Variants in EZH1 observed in about 807,000 individuals in gnomAD.
EZH1 encodes the protein histone-lysine N-methyltransferase EZH1.
In EZH1, 33 loss-of-function variants were observed where a neutral mutation model predicts 100.5. The observed-to-expected ratio is 0.33, with a 90% CI of 0.25 to 0.44. The LOEUF is 0.44. EZH1 is among the 20% of genes least tolerant of loss of function. EZH1 has a pLI of 1.00. For missense variants in EZH1, 475 were observed against 928.4 expected (o/e 0.51, Z 6.35); for synonymous variants, 272 against 313.8 (o/e 0.87, Z 1.41).
intron 1 of EZH1, among the ~76,000 whole-genome samples, chr17:42,739,183 T>C (rs2054129039): frequency 6.6e-6 from 1 of 152,198 alleles, no homozygotes; most frequent in Admixed American, 6.5e-5. Flanking sequence ...GTCATTCTGG[T>C]GATCACCAAT....
chr17:42,729,146 C>T, intron 2 of EZH1, 194 bp from the exon 3 acceptor site: 1 of 469,784 alleles, frequency 2.1e-6, no homozygotes. Context: ...GGGGCTCACA[C>T]CTGTAAAACC....
Position 42,718,227 on chromosome 17 carries a change from CT to C in EZH1, c.932-161del. On this transcript the variant is annotated intron_variant, in intron 9 of 20. Coordinates refer to ENST00000428826, the MANE Select transcript of EZH1 (RefSeq NM_001991.5). The surrounding 1 kb of genome is among the most constrained non-coding windows in gnomAD (Gnocchi z 4.2). Reference sequence around the variant, plus strand: ...AGTCATTTCTGACATCAACACAATGCTTTCAAAGCTAAGAGGTACTGAGGGA... The same window carrying C: ...AGTCATTTCTGACATCAACACAATGCTTCAAAGCTAAGAGGTACTGAGGGA... 1 of 839,000 alleles carries C rather than the reference CT, an allele frequency of 1.2e-6. No individual in the cohort carries two copies. The allele number at this position is 839,000 out of a possible 1,614,324, so 52.0% of individuals were successfully genotyped here.
chr17:42,727,601 G>T, intron 4 of EZH1, 34 bp downstream of exon 4: 2 of 1,588,234 alleles, frequency 1.3e-6, no homozygotes, highest in Non-Finnish European at 1.7e-6. Context: ...GCCCAAGGAA[G>T]AGAGGAAGAC....
Position 42,700,409 on chromosome 17 carries a change from G to C in EZH1, c.*2123C>G, listed in dbSNP as rs1219767800. 1 of 152,792 alleles carries C rather than the reference G, an allele frequency of 6.5e-6. No homozygotes were observed. Among genetic ancestry groups the C allele is most frequent in the Non-Finnish European group, 1.5e-5 (1 of 68,070 alleles). 9.5% of individuals were successfully genotyped at this position (152,792 alleles called of 1,614,324 possible). On this transcript the variant is annotated 3_prime_UTR_variant, in exon 21 of 21. Coordinates refer to ENST00000428826, the MANE Select transcript of EZH1 (RefSeq NM_001991.5). The stretch of plus-strand genomic sequence containing the variant: ...TTGCCCCATCCATCATGACGTGGTG[G>C]GGAGGGGTTGAGACCCATCTTTAAA...
At chr17:42,717,861 G>T in intron 10 of EZH1, 115 bp downstream of exon 10, 3 of 897,570 alleles carry the variant, frequency 3.3e-6, no homozygotes, top group Non-Finnish European at 5.3e-6. Flanking sequence ...AGCTCCTTAA[G>T]AGCAAAAGCC....
intron 10 of EZH1, among the ~76,000 whole-genome samples, 162 bp downstream of exon 10, chr17:42,717,814 G>A (rs2053634949): frequency 2.0e-5 from 3 of 152,150 alleles, no homozygotes; most frequent in Admixed American, 2.0e-4. Flanking sequence ...TACCATGTCT[G>A]GGGAGTTCCT....
intron 6 of EZH1, among the ~76,000 whole-genome samples, chr17:42,721,133 C>T (rs1159368009): frequency 6.6e-6 from 1 of 152,200 alleles, no homozygotes. Flanking sequence ...AATCAAAAGA[C>T]AGCAATTTTT....
At chr17:42,726,874 C>G (rs1291491192) in intron 4 of EZH1, among the ~76,000 whole-genome samples, 1 of 151,488 alleles carries the variant, frequency 6.6e-6, no homozygotes, top group East Asian at 1.9e-4. Context: ...TTTTGAGACA[C>G]AGTCTCACTC....
At chr17:42,737,250 T>G (rs1257803405) in intron 1 of EZH1, among the ~76,000 whole-genome samples, 1 of 151,940 alleles carries the variant, frequency 6.6e-6, no homozygotes, top group Non-Finnish European at 1.5e-5. Flanking sequence ...CCTCCCAAAG[T>G]GCTGGGATTA....
rs1333643343 is a variant in EZH1 at position 42,702,107 on chromosome 17, CCA to C, written c.*423_*424del. ...AGCCTGTCCTCTCCAGGTCTTAGGA[CCA>C]CAGAGGTTTGCCTGCATCCCAATAA... On this transcript the variant is annotated 3_prime_UTR_variant, in exon 21 of 21. Transcript: ENST00000428826. The C allele has an allele frequency of 6.1e-6, 1 of 162,712 alleles. No homozygotes were observed. Among genetic ancestry groups the C allele is most frequent in the African/African-American group, 2.4e-5 (1 of 41,792 alleles). 10.1% of individuals were successfully genotyped at this position (162,712 alleles called of 1,614,324 possible). A position where few individuals can be genotyped will look rare whatever the true frequency, so the allele number is the denominator to read the frequency against.
chr17:42,729,149 G>C, intron 2 of EZH1, 197 bp from the exon 3 acceptor site: 1 of 461,888 alleles, frequency 2.2e-6, no homozygotes, highest in Non-Finnish European at 3.8e-6. Flanking sequence ...GCTCACACCT[G>C]TAAAACCAAC....
intron 1 of EZH1, among the ~76,000 whole-genome samples, chr17:42,736,665 T>A (rs997741073): frequency 6.6e-6 from 1 of 152,032 alleles, no homozygotes; most frequent in African/African-American, 2.4e-5. Flanking sequence ...TGAAACCTCA[T>A]CTCTACAAAA....
chr17:42,708,080 T>C lies in EZH1; in HGVS notation c.1538A>G (p.Asn513Ser). The change falls in exon 15 of 21, where the codon AAC (asparagine) becomes AGC (serine). Residue 513 changes from asparagine (N) to serine (S), a missense_variant. Around this residue, in one of 8 missense-constraint regions of EZH1, gnomAD observed 83 missense variants for 142.1 expected, o/e 0.58. Coordinates refer to ENST00000428826, the MANE Select transcript of EZH1 (RefSeq NM_001991.5). ...GTAGTTGTACACTTGTGTGGAAGAG[T>C]TATCTAGGAAAGAAAACAGAGGAGG... ...HCRKIQLKKD[N>S]SSTQVYNYQP... 6.2e-7 allele frequency: 1 copy of C among 1,602,076 alleles called. No homozygotes were observed. Among genetic ancestry groups the C allele is most frequent in the African/African-American group, 1.3e-5 (1 of 74,076 alleles).
At chr17:42,732,426 A>C (rs1388337310) in intron 1 of EZH1, among the ~76,000 whole-genome samples, 1 of 152,176 alleles carries the variant, frequency 6.6e-6, no homozygotes, top group African/African-American at 2.4e-5. Context: ...TGAGCTCAGG[A>C]GTTTGATACA....
In EZH1 at chr17:42,706,151, G is replaced by T. The variant is rs778423476; in HGVS notation, c.1695C>A (p.Thr565=). The change falls in exon 16 of 21, where the codon ACC becomes ACA. Residue 565 remains threonine, a synonymous_variant. Coordinates refer to ENST00000428826, the MANE Select transcript of EZH1 (RefSeq NM_001991.5). This position sits in a 1 kb window ranked among gnomAD's most constrained non-coding sequence, Gnocchi z 4.4. ...AAGGACATTGCTTGGTATTGCACTGGGTCTTACAGCGACAGCCAGGGAAAC... is the reference window on the plus strand; with the variant it reads ...AAGGACATTGCTTGGTATTGCACTGTGTCTTACAGCGACAGCCAGGGAAAC... ...QNRFPGCRCK[T]QCNTKQCPCY... is the part of the protein sequence containing the mutation. 1.2e-6 allele frequency: 2 copies of T among 1,612,832 alleles called. No individual in the cohort carries two copies. Among genetic ancestry groups the T allele is most frequent in the Non-Finnish European group, 1.7e-6 (2 of 1,179,256 alleles).
At chr17:42,704,987 GTTAT>G in intron 17 of EZH1, 97 bp downstream of exon 17, 2 of 1,032,528 alleles carry the variant, frequency 1.9e-6, no homozygotes, top group Non-Finnish European at 3.0e-6. Context: ...ACACAGCTGA[GTTAT>G]TTAGAGATTA....
At position 42,700,664 on chromosome 17, in the gene EZH1, C is replaced by G. The variant is rs1416287347; in HGVS notation, c.*1868G>C. 6.6e-6 allele frequency: 1 copy of G among 152,382 alleles called. No individual in the cohort carries two copies. The highest frequency in any genetic ancestry group is 1.9e-4 in the East Asian group (1 of 5,334). The allele number at this position is 152,382 out of a possible 1,614,324, so 9.4% of individuals were successfully genotyped here. A position where few individuals can be genotyped will look rare whatever the true frequency, so the allele number is the denominator to read the frequency against. On this transcript the variant is annotated 3_prime_UTR_variant, in exon 21 of 21. Transcript: ENST00000428826. ...CCTCTTCATCTTTCTCTGGTTTTCT[C>G]CTCTATGAGTAATTTGGAACCCACA... is the stretch of plus-strand genomic sequence containing the variant.
Position 42,716,069 on chromosome 17 carries a change from T to G in EZH1, c.1023+1907A>C, listed in dbSNP as rs11869639. 3.9e-3 allele frequency among the ~76,000 whole-genome samples: 566 copies of G among 143,840 alleles called. 5 individuals are homozygous for G. The highest frequency in any genetic ancestry group is 0.014 in the African/African-American group (544 of 39,018). The allele number at this position is 143,840 out of a possible 152,430, so 94.4% of individuals were successfully genotyped here. On this transcript the variant is annotated intron_variant, in intron 10 of 20. Transcript: ENST00000428826. Reference sequence around the variant, plus strand: ...TCTCAAAAAAAAAAAAAAAAAGACATAATAACCAAATATGATGTCTGACTG... The same window carrying G: ...TCTCAAAAAAAAAAAAAAAAAGACAGAATAACCAAATATGATGTCTGACTG...
intron 10 of EZH1, chr17:42,714,561 C>G (rs1310985530): frequency 3.3e-6 from 1 of 299,712 alleles, no homozygotes; most frequent in Non-Finnish European, 6.8e-6. Flanking sequence ...TGTATTGGTG[C>G]AGGAGCAAGT....
Sources: gnomAD v4.1 joint callset for allele counts (sites outside exome capture counted in the v4.1 genomes callset) on GRCh38, gnomAD v4.1.1 for gene constraint, gnomAD v4.1.1 regional missense constraint, Gnocchi (gnomAD v3.1) non-coding constraint, MANE v1.5 for transcripts, NCBI Gene and HGNC (gene_info 2026-07-23, HGNC 2026-07-21) for gene names.